Variants in ARB2A observed in about 807,000 individuals in gnomAD.
ARB2A encodes the protein ARB2 cotranscriptional regulator A, also known as cotranscriptional regulator ARB2A.
the ARB2A span, among the ~76,000 whole-genome samples, chr5:93,690,438 G>T: frequency 1.3e-5 from 2 of 152,172 alleles, no homozygotes; most frequent in African/African-American, 4.8e-5. Flanking sequence ...AAGATGCCGG[G>T]AAGTTCAAAC....
the ARB2A span, among the ~76,000 whole-genome samples, chr5:93,885,275 T>C: frequency 6.6e-6 from 1 of 151,520 alleles, no homozygotes; most frequent in East Asian, 1.9e-4. Context: ...AAGTATAATA[T>C]CTTAAAAGAA....
At chr5:93,891,687 G>A in the ARB2A span, among the ~76,000 whole-genome samples, 1 of 152,064 alleles carries the variant, frequency 6.6e-6, no homozygotes, top group Non-Finnish European at 1.5e-5. Flanking sequence ...GTAACTGGCA[G>A]TATCTCATTA....
At chr5:93,840,752 A>T in the ARB2A span, among the ~76,000 whole-genome samples, 1 of 152,146 alleles carries the variant, frequency 6.6e-6, no homozygotes. Flanking sequence ...TGAATATAGC[A>T]ATTTACAGAG....
chr5:93,680,215 GTATAAA>G, the ARB2A span, among the ~76,000 whole-genome samples: 9 of 152,066 alleles, frequency 5.9e-5, no homozygotes, highest in Non-Finnish European at 1.0e-4. Flanking sequence ...TACTGTTTAA[GTATAAA>G]TATAAAGAAG....
the ARB2A span, among the ~76,000 whole-genome samples, chr5:93,920,196 G>A: frequency 2.0e-4 from 30 of 152,188 alleles, no homozygotes; most frequent in East Asian, 3.1e-3. Context: ...CATTGTTTGC[G>A]TAGTTAGAGT....
At chr5:93,814,775 AT>A in the ARB2A span, among the ~76,000 whole-genome samples, 2 of 152,222 alleles carry the variant, frequency 1.3e-5, no homozygotes, top group African/African-American at 2.4e-5. Flanking sequence ...TTTAATAACA[AT>A]TTTTGGAAAC....
At chr5:93,775,532 C>T in the ARB2A span, among the ~76,000 whole-genome samples, 3 of 152,204 alleles carry the variant, frequency 2.0e-5, no homozygotes, top group African/African-American at 7.2e-5. Flanking sequence ...CCTTAAACTT[C>T]CTAGAGCCCA....
the ARB2A span, among the ~76,000 whole-genome samples, chr5:94,095,882 T>G: frequency 6.6e-6 from 1 of 152,246 alleles, no homozygotes; most frequent in South Asian, 2.1e-4. Flanking sequence ...ACCTTAGGCC[T>G]TTCCCTGCTC....
At chr5:93,995,388 A>T in the ARB2A span, among the ~76,000 whole-genome samples, 1 of 152,232 alleles carries the variant, frequency 6.6e-6, no homozygotes, top group African/African-American at 2.4e-5. Flanking sequence ...GGACCCGTAC[A>T]AAGTGCAATT....
chr5:93,830,097 T>C, the ARB2A span, among the ~76,000 whole-genome samples: 335 of 151,870 alleles, frequency 2.2e-3, no homozygotes, highest in African/African-American at 7.7e-3. Flanking sequence ...ATTGGAACTA[T>C]ACAGAAAAAT....
At chr5:93,739,816 G>A in the ARB2A span, 1 of 152,016 alleles carries the variant, frequency 6.6e-6, no homozygotes, top group African/African-American at 2.4e-5. Context: ...AAAACAGGAG[G>A]AGTAAGCTAC....
the ARB2A span, among the ~76,000 whole-genome samples, chr5:94,044,792 G>A: frequency 6.6e-6 from 1 of 152,150 alleles, no homozygotes; most frequent in Admixed American, 6.5e-5. Context: ...AGATGGCCAT[G>A]AGAGTGACCT....
the ARB2A span, chr5:93,741,447 C>T: frequency 1.4e-5 from 23 of 1,613,376 alleles, no homozygotes; most frequent in African/African-American, 2.7e-5. Context: ...TGCCAGGGGC[C>T]GCCTGGGTGC....
the ARB2A span, among the ~76,000 whole-genome samples, chr5:93,699,863 CCCAGAGG>C: frequency 1.3e-5 from 2 of 151,452 alleles, no homozygotes; most frequent in Non-Finnish European, 2.9e-5. Context: ...AGAACAGAGG[CCCAGAGG>C]TCCATGTGGC....
At chr5:93,947,599 C>T in the ARB2A span, among the ~76,000 whole-genome samples, 1 of 150,416 alleles carries the variant, frequency 6.6e-6, no homozygotes, top group Non-Finnish European at 1.5e-5. Flanking sequence ...ATGTGCCATG[C>T]TGGTGTGCTG....
chr5:93,827,340 T>C, the ARB2A span, among the ~76,000 whole-genome samples: 1 of 152,270 alleles, frequency 6.6e-6, no homozygotes, highest in Non-Finnish European at 1.5e-5. Context: ...GTTTCTCTGA[T>C]GGCCAGTGAT....
the ARB2A span, among the ~76,000 whole-genome samples, chr5:93,820,896 T>C: frequency 6.6e-6 from 1 of 152,134 alleles, no homozygotes; most frequent in Admixed American, 6.6e-5. Flanking sequence ...GTAAAAGCAG[T>C]TAATAGCATA....
chr5:94,032,651 C>T, the ARB2A span, among the ~76,000 whole-genome samples: 1 of 152,182 alleles, frequency 6.6e-6, no homozygotes, highest in Non-Finnish European at 1.5e-5. Context: ...ACGTGCGCTC[C>T]ACCCAGCAAA....
chr5:94,089,461 C>A, the ARB2A span, among the ~76,000 whole-genome samples: 9 of 152,214 alleles, frequency 5.9e-5, no homozygotes, highest in Admixed American at 2.6e-4. Context: ...TAAATAAATA[C>A]CTGAAATCTG....
Sources: allele counts gnomAD v4.1 joint callset (sites outside exome capture counted in the v4.1 genomes callset), GRCh38; gene constraint gnomAD v4.1.1; transcripts MANE v1.5; gene names NCBI Gene and HGNC (gene_info 2026-07-23, HGNC 2026-07-21).